Variants in FBXL17 observed in about 807,000 individuals in gnomAD.
The protein encoded by FBXL17 is F-box/LRR-repeat protein 17.
A neutral mutation model predicts 66.2 loss-of-function variants in FBXL17; 22 were observed. The observed-to-expected ratio is 0.33, with a 90% CI of 0.24 to 0.47. The LOEUF (loss-of-function observed/expected upper bound fraction) is 0.47, where lower values mean the gene tolerates loss of function less well. Ranked by LOEUF, FBXL17 falls within the 20% of genes least tolerant of loss-of-function variation. The probability of loss-of-function intolerance (pLI) is 1.00; values close to 1 mark genes in which losing one functional copy is unlikely to be tolerated. For synonymous variants in FBXL17, 474 were observed against 400.5 expected (o/e 1.18, Z -2.19); for missense variants, 878 against 948.2 (o/e 0.93, Z 0.97).
At chr5:108,034,652 T>C (rs994835963) in intron 6 of FBXL17, among the ~76,000 whole-genome samples, 4 of 152,332 alleles carry the variant, frequency 2.6e-5, no homozygotes, top group African/African-American at 9.6e-5. Context: ...TGAAACATGC[T>C]AAAACCTTAG....
intron 5 of FBXL17, among the ~76,000 whole-genome samples, chr5:108,213,230 C>T (rs1230505854): frequency 6.6e-6 from 1 of 152,166 alleles, no homozygotes; most frequent in Non-Finnish European, 1.5e-5. Context: ...TGCTGGGCTC[C>T]ATGGGAGTGG....
chr5:108,011,416 G>A (rs1382550440), intron 7 of FBXL17, among the ~76,000 whole-genome samples: 2 of 152,130 alleles, frequency 1.3e-5, no homozygotes. Context: ...TAAAGCTAAA[G>A]AGAACAAAGT....
chr5:108,365,403 C>T (rs1045559210), intron 2 of FBXL17, among the ~76,000 whole-genome samples: 1 of 151,970 alleles, frequency 6.6e-6, no homozygotes, highest in African/African-American at 2.4e-5. Context: ...ACACTACTTA[C>T]AGGAGAGGAA....
In FBXL17 at chr5:108,210,797, G is replaced by C. The variant is rs181859919; in HGVS notation, c.1614+13324C>G. On this transcript the variant is annotated intron_variant, in intron 5 of 8. Transcript: ENST00000542267. The stretch of plus-strand genomic sequence containing the variant: ...AAGAATGTATATTCTGTTGATTTGG[G>C]GTGGAGAGTTCTGTAGATGTCCATT... 1.7e-4 allele frequency among the ~76,000 whole-genome samples: 26 copies of C among 152,284 alleles called. 1 individual carries two copies. In the East Asian group the frequency reaches 5.0e-3, roughly 29 times the overall value.
chr5:108,172,134 T>A (rs374412228), intron 6 of FBXL17, among the ~76,000 whole-genome samples: 18 of 152,336 alleles, frequency 1.2e-4, no homozygotes, highest in African/African-American at 4.1e-4. Flanking sequence ...TAAGATGGCC[T>A]TACTCACATG....
intron 7 of FBXL17, among the ~76,000 whole-genome samples, chr5:107,970,042 A>G (rs1580264861): frequency 6.6e-6 from 1 of 152,186 alleles, no homozygotes; most frequent in South Asian, 2.1e-4. Flanking sequence ...AGAACATACA[A>G]TAACATTTTT....
intron 7 of FBXL17, among the ~76,000 whole-genome samples, chr5:107,908,612 C>T (rs1331123601): frequency 1.3e-5 from 2 of 152,068 alleles, no homozygotes; most frequent in African/African-American, 4.8e-5. Context: ...CTCATATGTG[C>T]TGGAGTAGTC....
In FBXL17 at chr5:108,166,620, T is replaced by C. The variant is rs1580542912; in HGVS notation, c.1745+19497A>G. On this transcript the variant is annotated intron_variant, in intron 6 of 8. Coordinates refer to ENST00000542267, the MANE Select transcript of FBXL17 (RefSeq NM_001163315.3). ...ACCCAGATGATATATGAAAAAAACA[T>C]GGTAAAAAGATGAAAAGCAAAAAAC... Among the ~76,000 whole-genome samples, 3 of 151,920 alleles carry C rather than the reference T, an allele frequency of 2.0e-5. No individual in the cohort carries two copies. In the South Asian group the frequency reaches 6.2e-4, roughly 32 times the overall value.
rs539559942 is a variant in FBXL17 at position 108,046,298 on chromosome 5, T to C, written c.1746-25297A>G. On this transcript the variant is annotated intron_variant, in intron 6 of 8. Coordinates refer to ENST00000542267, the MANE Select transcript of FBXL17 (RefSeq NM_001163315.3). ...TTTCTATGTTTGCATGATATATCTT[T>C]TCCTATCCTTTAACTTCCAACCTGC... Among the ~76,000 whole-genome samples, 9 of 152,296 alleles carry C rather than the reference T, an allele frequency of 5.9e-5. No individual in the cohort carries two copies. The East Asian group carries it at 1.5e-3, about 26-fold the overall frequency.
intron 4 of FBXL17, among the ~76,000 whole-genome samples, chr5:108,322,890 G>A (rs2150222198): frequency 6.6e-6 from 1 of 152,012 alleles, no homozygotes; most frequent in South Asian, 2.1e-4. Flanking sequence ...CTTATTAAAT[G>A]TCAATATAAC....
At chr5:107,896,915 G>A (rs1159163016) in intron 7 of FBXL17, among the ~76,000 whole-genome samples, 2 of 151,604 alleles carry the variant, frequency 1.3e-5, no homozygotes, top group African/African-American at 2.4e-5. Flanking sequence ...CTTTTATGTG[G>A]GTACAGGATT....
intron 6 of FBXL17, among the ~76,000 whole-genome samples, chr5:108,026,215 A>T (rs1754818216): frequency 6.6e-6 from 1 of 152,192 alleles, no homozygotes. Flanking sequence ...AATTTCATTT[A>T]TGAGTCTTAT....
At chr5:108,345,688 T>C (rs1012637533) in intron 4 of FBXL17, among the ~76,000 whole-genome samples, 5 of 151,900 alleles carry the variant, frequency 3.3e-5, no homozygotes, top group African/African-American at 1.2e-4. Flanking sequence ...CAGAAACTTA[T>C]AGAGGCATTA....
chr5:108,197,214 C>G (rs1166791504), intron 5 of FBXL17, among the ~76,000 whole-genome samples: 1 of 152,148 alleles, frequency 6.6e-6, no homozygotes, highest in Non-Finnish European at 1.5e-5. Context: ...CTTTTTTACC[C>G]AGCAGGAGCT....
intron 7 of FBXL17, among the ~76,000 whole-genome samples, chr5:108,008,780 A>G (rs1208554773): frequency 2.0e-5 from 3 of 152,114 alleles, no homozygotes; most frequent in African/African-American, 7.2e-5. Context: ...CTGGACTTCA[A>G]ACCTCCAAAT....
At chr5:108,266,441 C>T (rs1055785780) in intron 4 of FBXL17, among the ~76,000 whole-genome samples, 5 of 152,116 alleles carry the variant, frequency 3.3e-5, no homozygotes, top group East Asian at 1.9e-4. Flanking sequence ...CCACAAATGT[C>T]GACACTACAC....
intron 4 of FBXL17, among the ~76,000 whole-genome samples, chr5:108,257,094 G>C (rs1756609256): frequency 6.6e-6 from 1 of 152,148 alleles, no homozygotes; most frequent in Non-Finnish European, 1.5e-5. Context: ...CTTTATATTG[G>C]TTACAGATAT....
At chr5:108,016,431 T>G (rs1754389625) in intron 7 of FBXL17, among the ~76,000 whole-genome samples, 1 of 151,988 alleles carries the variant, frequency 6.6e-6, no homozygotes, top group South Asian at 2.1e-4. Flanking sequence ...ATTTTACTAC[T>G]TTAAAATGGA....
At chr5:107,880,917 A>T in intron 8 of FBXL17, 120 bp downstream of exon 8, 2 of 1,445,532 alleles carry the variant, frequency 1.4e-6, no homozygotes, top group Non-Finnish European at 1.8e-6. Context: ...ATATACATAT[A>T]AAATGTATAT....
Sources: allele counts gnomAD v4.1 joint callset (sites outside exome capture counted in the v4.1 genomes callset), GRCh38; gene constraint gnomAD v4.1.1; transcripts MANE v1.5; gene names NCBI Gene and HGNC (gene_info 2026-07-23, HGNC 2026-07-21).